ZFHX3: variants seen among roughly 807,000 people sequenced by gnomAD.
The protein encoded by ZFHX3 is zinc finger homeobox 3, also known as zinc finger homeobox protein 3.
Under a neutral mutation model 279.1 loss-of-function variants are expected in ZFHX3, and 42 were observed. The ratio of observed to expected loss-of-function variants is 0.15; its 90% CI spans 0.12 to 0.19. The LOEUF (loss-of-function observed/expected upper bound fraction) is 0.19. Ranked by LOEUF, ZFHX3 falls within the 10% of genes least tolerant of loss-of-function variation. The pLI is 1.00. For synonymous variants in ZFHX3, 2,293 were observed against 1,957.8 expected, an observed-to-expected ratio of 1.17 and a Z score of -4.52; for missense variants, 4,981 against 4,754.0, an observed-to-expected ratio of 1.05 and a Z score of -1.40.
chr16:73,029,382 C>T (rs188582147), intron 1 of ZFHX3, among the ~76,000 whole-genome samples: 5 of 152,300 alleles, frequency 3.3e-5, no homozygotes, highest in Admixed American at 6.5e-5. Context: ...GTCCATGCTG[C>T]TCCTTCTACT....
At chr16:73,078,515 A>G (rs1965910051) in intron 8 of ZFHX3, among the ~76,000 whole-genome samples, 1 of 152,148 alleles carries the variant, frequency 6.6e-6, no homozygotes, top group Admixed American at 6.5e-5. Flanking sequence ...CAATCTCGTG[A>G]GCCTGAAATT....
At chr16:73,718,192 C>T (rs943694507) in intron 1 of ZFHX3, among the ~76,000 whole-genome samples, 1 of 152,216 alleles carries the variant, frequency 6.6e-6, no homozygotes, top group Non-Finnish European at 1.5e-5. Context: ...GGGTAGATGA[C>T]TTGAGGCCAG....
At chr16:73,718,892 G>A (rs201031626) in intron 1 of ZFHX3, among the ~76,000 whole-genome samples, 1 of 152,154 alleles carries the variant, frequency 6.6e-6, no homozygotes, top group Non-Finnish European at 1.5e-5. Context: ...GGGATTACAG[G>A]TGTGAGCCAC....
intron 1 of ZFHX3, among the ~76,000 whole-genome samples, chr16:73,784,970 T>C (rs978919525): frequency 4.6e-5 from 7 of 151,916 alleles, no homozygotes; most frequent in African/African-American, 9.7e-5. Context: ...TTGTTTCTTC[T>C]GGTATTTGCC....
intron 1 of ZFHX3, among the ~76,000 whole-genome samples, chr16:73,801,680 T>G (rs1046124001): frequency 6.6e-6 from 1 of 152,234 alleles, no homozygotes; most frequent in Non-Finnish European, 1.5e-5. Context: ...GGCTCTGAAT[T>G]ACCTTTACAA....
rs1451059580 is a variant in ZFHX3, at chr16:72,795,893, G to C, written c.6789C>G (p.Ala2263=). The stretch of plus-strand genomic sequence containing the variant: ...ATTCATCATCCTTTGGGTAAGCATT[G>C]GCATCGAAGAAGTCCTGTAAGACCC... ...QLRVLQDFFD[A]NAYPKDDEFE... The change falls in exon 9 of 10, where the codon GCC becomes GCG. Residue 2263 remains alanine (A), a synonymous_variant. Transcript: ENST00000268489. 2 of 1,614,104 alleles carry C rather than the reference G, an allele frequency of 1.2e-6. No homozygotes were observed. Among genetic ancestry groups the C allele is most frequent in the South Asian group, 2.2e-5 (2 of 91,082 alleles).
intron 3 of ZFHX3, among the ~76,000 whole-genome samples, chr16:72,930,120 A>G (rs1959707182): frequency 6.6e-6 from 1 of 152,316 alleles, no homozygotes; most frequent in South Asian, 2.1e-4. Context: ...TGGGAGGCTG[A>G]GGCAGGAGAA....
chr16:73,075,089 T>G (rs1597148527), intron 8 of ZFHX3, among the ~76,000 whole-genome samples: 1 of 152,340 alleles, frequency 6.6e-6, no homozygotes, highest in East Asian at 1.9e-4. Context: ...ATTACACGTG[T>G]GAGCTAGTGC....
intron 3 of ZFHX3, among the ~76,000 whole-genome samples, chr16:72,931,594 G>A (rs1303507392): frequency 1.3e-5 from 2 of 151,682 alleles, no homozygotes; most frequent in African/African-American, 2.4e-5. Flanking sequence ...AGTTTCAGCT[G>A]GAGAAAAATT....
chr16:72,794,743 T>C lies in ZFHX3; in HGVS notation c.7939A>G (p.Thr2647Ala). 2 of 1,614,226 alleles carry C rather than the reference T, an allele frequency of 1.2e-6. No individual in the cohort carries two copies. Among genetic ancestry groups the C allele is most frequent in the Non-Finnish European group, 1.7e-6 (2 of 1,180,046 alleles). Residue 2647 changes from threonine to alanine, a missense_variant, in exon 9 of 10, where the codon ACC becomes GCC. Transcript: ENST00000268489. The surrounding 1 kb of genome is among the most constrained non-coding windows in gnomAD (Gnocchi z 4.2). ...ATTTCTAGTTGTTCCGGTGTGATGG[T>C]TGTTCTCAAACGCTTGTCTCTCTGA... ...EPQRDKRLRT[T>A]ITPEQLEILY...
intron 5 of ZFHX3, among the ~76,000 whole-genome samples, chr16:73,174,266 AAACAACAAC>A (rs140975222): frequency 0.066 from 9,792 of 149,064 alleles, 399 homozygotes; most frequent in African/African-American, 0.11. Context: ...TGTTCACACA[AAACAACAAC>A]AACAACAACA....
At chr16:73,440,336 G>A (rs550397790) in intron 3 of ZFHX3, among the ~76,000 whole-genome samples, 1 of 152,192 alleles carries the variant, frequency 6.6e-6, no homozygotes, top group African/African-American at 2.4e-5. Context: ...AGGCATTTGA[G>A]TCCATGGGTG....
intron 2 of ZFHX3, among the ~76,000 whole-genome samples, chr16:73,589,773 A>G (rs1292314115): frequency 1.6e-5 from 2 of 123,194 alleles, no homozygotes; most frequent in African/African-American, 6.5e-5. Flanking sequence ...AAAAAAAAAG[A>G]ATATACCCTG....
intron 3 of ZFHX3, among the ~76,000 whole-genome samples, chr16:72,909,197 C>T (rs1000639529): frequency 6.6e-6 from 1 of 152,128 alleles, no homozygotes; most frequent in African/African-American, 2.4e-5. Context: ...AGAATACAGC[C>T]TCTTAGAAGG....
chr16:73,754,667 C>T (rs1010552143), intron 1 of ZFHX3, among the ~76,000 whole-genome samples: 2 of 152,074 alleles, frequency 1.3e-5, no homozygotes, highest in African/African-American at 2.4e-5. Flanking sequence ...CCTTTACTTC[C>T]GACTAGCCTT....
Position 73,669,093 on chromosome 16 carries a change from G to A in ZFHX3, c.-1547+11087C>T, listed in dbSNP as rs546649740. ...TTTCTATTTTTTTTTAAGCTCTGTC[G>A]GCCAGGCTGGAGTGCAGTGGTGCGA... On this transcript the variant is annotated intron_variant, in intron 2 of 17. Transcript: ENST00000641206. Among the ~76,000 whole-genome samples, 40 of 142,938 alleles carry A rather than the reference G, an allele frequency of 2.8e-4. No individual in the cohort carries two copies. In the East Asian group the frequency reaches 6.8e-3, roughly 24 times the overall value. 93.8% of individuals were successfully genotyped at this position (142,938 alleles called of 152,430 possible).
chr16:72,987,465 G>C (rs73594706), intron 1 of ZFHX3, among the ~76,000 whole-genome samples: 2,855 of 152,176 alleles, frequency 0.019, 44 homozygotes, highest in Middle Eastern at 0.044. Flanking sequence ...CCTCAGTTTA[G>C]GTAGAGGGAC....
intron 1 of ZFHX3, among the ~76,000 whole-genome samples, chr16:72,975,996 G>C (rs1206953265): frequency 6.6e-6 from 1 of 152,160 alleles, no homozygotes; most frequent in Non-Finnish European, 1.5e-5. Context: ...TGAACACCCT[G>C]GTTAGGTCTG....
chr16:73,177,813 A>T (rs530429475), intron 5 of ZFHX3, among the ~76,000 whole-genome samples: 54 of 152,342 alleles, frequency 3.5e-4, no homozygotes, highest in African/African-American at 1.3e-3. Context: ...TTAGTGGAGG[A>T]GACAGACATA....
Sources: allele counts gnomAD v4.1 joint callset (sites outside exome capture counted in the v4.1 genomes callset), GRCh38; gene constraint gnomAD v4.1.1; non-coding constraint Gnocchi (gnomAD v3.1); transcripts MANE v1.5; gene names NCBI Gene and HGNC (gene_info 2026-07-23, HGNC 2026-07-21).